SAR1A: variants seen among roughly 807,000 people sequenced by gnomAD.
The protein encoded by SAR1A is small COPII coat GTPase SAR1A.
A neutral mutation model predicts 22.6 loss-of-function variants in SAR1A; 6 were observed. That is an observed-to-expected ratio of 0.27 (90% CI 0.15 to 0.52). SAR1A has a LOEUF of 0.52. Ranked by LOEUF, SAR1A falls within the 20% of genes least tolerant of loss-of-function variation. The probability of loss-of-function intolerance (pLI) is 0.96; values close to 1 mark genes in which losing one functional copy is unlikely to be tolerated. For missense variants in SAR1A, 145 were observed against 245.1 expected, an observed-to-expected ratio of 0.59 and a Z score of 2.73; for synonymous variants, 70 against 82.2, an observed-to-expected ratio of 0.85 and a Z score of 0.80.
chr10:70,157,959 G>A (rs1000658992), intron 4 of SAR1A, 92 bp from the exon 5 acceptor site: 45 of 858,876 alleles, frequency 5.2e-5, no homozygotes, highest in African/African-American at 3.1e-4. Context: ...AATCTTGGTC[G>A]GGTTTCAGTA....
chr10:70,163,018 G>T (rs1268151655), intron 1 of SAR1A: 1 of 152,160 alleles, frequency 6.6e-6, no homozygotes, highest in African/African-American at 2.4e-5. Flanking sequence ...TATTCTCCAA[G>T]TGAAAGTAAC....
chr10:70,158,947 C>A (rs1471390024), intron 4 of SAR1A, among the ~76,000 whole-genome samples: 1 of 152,154 alleles, frequency 6.6e-6, no homozygotes, highest in Non-Finnish European at 1.5e-5. Context: ...TCACACCAAA[C>A]AATCTACAAT....
intron 3 of SAR1A, 76 bp from the exon 4 acceptor site, chr10:70,161,145 T>A: frequency 2.0e-6 from 2 of 1,003,266 alleles, no homozygotes; most frequent in Non-Finnish European, 3.0e-6. Context: ...TAAGCCAATA[T>A]CAATGCTTTC....
At chr10:70,156,671 TAAAAA>T (rs34673042) in intron 5 of SAR1A, among the ~76,000 whole-genome samples, 1 of 135,984 alleles carries the variant, frequency 7.4e-6, no homozygotes, top group Non-Finnish European at 1.6e-5. Flanking sequence ...AGATTCTGTT[TAAAAA>T]AAAAAAAAAA....
At chr10:70,170,309 C>CAA in intron 1 of SAR1A, 104 bp downstream of exon 1, 1 of 119,558 alleles carries the variant, frequency 8.4e-6, no homozygotes, top group Non-Finnish European at 1.7e-5. Flanking sequence ...GTCACTTCCC[C>CAA]CCCACCCAAC....
At chr10:70,164,879 C>T (rs1169579250) in intron 1 of SAR1A, among the ~76,000 whole-genome samples, 2 of 152,216 alleles carry the variant, frequency 1.3e-5, no homozygotes, top group African/African-American at 4.8e-5. Context: ...ATTGACAACG[C>T]ACCTGGTCAC....
In SAR1A at chr10:70,147,517, A is replaced by T. The variant is rs1299221278; in HGVS notation, c.*4959T>A. 6.6e-6 allele frequency: 1 copy of T among 152,232 alleles called. No homozygotes were observed. The highest frequency in any genetic ancestry group is 1.9e-4 in the East Asian group (1 of 5,204). 9.4% of individuals were successfully genotyped at this position (152,232 alleles called of 1,614,324 possible). A position where few individuals can be genotyped will look rare whatever the true frequency, so the allele number is the denominator to read the frequency against. The stretch of plus-strand genomic sequence containing the variant: ...AATGGCGGTGGCTGTGTCCCAATAA[A>T]AAGATACAGACATTGAAATTTTAAT... On this transcript the variant is annotated 3_prime_UTR_variant, in exon 7 of 7. Coordinates refer to ENST00000373241, the MANE Select transcript of SAR1A (RefSeq NM_020150.5).
intron 2 of SAR1A, 28 bp from the exon 3 acceptor site, chr10:70,161,766 T>C: frequency 6.2e-7 from 1 of 1,613,782 alleles, no homozygotes; most frequent in East Asian, 2.2e-5. Context: ...TGTTAACACA[T>C]TTGCTCTCTA....
intron 5 of SAR1A, among the ~76,000 whole-genome samples, chr10:70,157,444 A>G (rs1839406688): frequency 6.6e-6 from 1 of 151,706 alleles, no homozygotes; most frequent in African/African-American, 2.4e-5. Flanking sequence ...ATTACTGTTC[A>G]TGACACGTGA....
intron 6 of SAR1A, 79 bp downstream of exon 6, chr10:70,153,759 G>A: frequency 2.5e-6 from 3 of 1,223,282 alleles, no homozygotes; most frequent in African/African-American, 3.1e-5. Flanking sequence ...TAAAAGAAAA[G>A]GGTAATCTAG....
At chr10:70,156,258 T>G (rs1252713526) in intron 5 of SAR1A, among the ~76,000 whole-genome samples, 1 of 152,170 alleles carries the variant, frequency 6.6e-6, no homozygotes, top group Non-Finnish European at 1.5e-5. Context: ...GAAAGTACTC[T>G]GGAGAACACC....
chr10:70,154,499 T>C (rs1446997807), intron 5 of SAR1A, among the ~76,000 whole-genome samples: 2 of 61,646 alleles, frequency 3.2e-5, no homozygotes, highest in African/African-American at 8.8e-5. Context: ...ATGTTCACAT[T>C]ATGTTTTTTT....
At chr10:70,169,060 C>T (rs1022536990) in intron 1 of SAR1A, among the ~76,000 whole-genome samples, 4 of 152,142 alleles carry the variant, frequency 2.6e-5, no homozygotes, top group Non-Finnish European at 5.9e-5. Flanking sequence ...CTCATTTCAT[C>T]CCCACACCAA....
Position 70,152,038 on chromosome 10 carries a change from A to C in SAR1A, c.*438T>G. 4.6e-6 allele frequency: 1 copy of C among 216,102 alleles called. No individual in the cohort carries two copies. The highest frequency in any genetic ancestry group is 9.6e-6 in the Non-Finnish European group (1 of 104,118). 13.4% of individuals were successfully genotyped at this position (216,102 alleles called of 1,614,324 possible). On this transcript the variant is annotated 3_prime_UTR_variant, in exon 7 of 7. Coordinates refer to ENST00000373241, the MANE Select transcript of SAR1A (RefSeq NM_020150.5). ...ATGAAGTATCTAAATGTCATTCATT[A>C]GTTTAAAAAAAAAAAAGAATAGAAA...
At position 70,161,077 on chromosome 10, in the gene SAR1A, A is replaced by G. The variant is rs1250305127; in HGVS notation, c.179-8T>C. The G allele has an allele frequency of 6.2e-7, 1 of 1,609,656 alleles. No homozygotes were observed. The highest frequency in any genetic ancestry group is 8.5e-7 in the Non-Finnish European group (1 of 1,177,864). ...TTGTTAGCTCTTCTGATGCTGAAAA[A>G]TTGTTTAAAAAGAAGAAAAAAACTT... On this transcript the variant is annotated splice_polypyrimidine_tract_variant and splice_region_variant and intron_variant, in intron 3 of 6. Transcript: ENST00000373241.
Position 70,147,433 on chromosome 10 carries a change from G to A in SAR1A, c.*5043C>T, listed in dbSNP as rs994152262. Reference sequence around the variant, plus strand: ...AATGGAAACAGTTCCAGTTTGGGGGGACCATACAACTTGTCTCAAATAGTC... The same window carrying A: ...AATGGAAACAGTTCCAGTTTGGGGGAACCATACAACTTGTCTCAAATAGTC... On this transcript the variant is annotated 3_prime_UTR_variant, in exon 7 of 7. Coordinates refer to ENST00000373241, the MANE Select transcript of SAR1A (RefSeq NM_020150.5). 6.6e-6 allele frequency: 1 copy of A among 152,168 alleles called. No individual in the cohort carries two copies. The highest frequency in any genetic ancestry group is 1.5e-5 in the Non-Finnish European group (1 of 68,050). The allele number at this position is 152,168 out of a possible 1,614,324, so 9.4% of individuals were successfully genotyped here.
Position 70,151,673 on chromosome 10 carries a change from T to C in SAR1A, c.*803A>G, listed in dbSNP as rs1368793385. The C allele has an allele frequency of 6.6e-6, 1 of 152,588 alleles. No individual in the cohort carries two copies. Among genetic ancestry groups the C allele is most frequent in the Non-Finnish European group, 1.5e-5 (1 of 68,028 alleles). The allele number at this position is 152,588 out of a possible 1,614,324, so 9.5% of individuals were successfully genotyped here. ...GAAGGTGCTATAGAGAGAAATTAAA[T>C]TTCACAAAAGTATAAAAGCAAAGAC... On this transcript the variant is annotated 3_prime_UTR_variant, in exon 7 of 7. Coordinates refer to ENST00000373241, the MANE Select transcript of SAR1A (RefSeq NM_020150.5).
intron 5 of SAR1A, 174 bp downstream of exon 5, chr10:70,157,590 T>C: frequency 1.8e-6 from 1 of 554,188 alleles, no homozygotes; most frequent in Non-Finnish European, 3.2e-6. Flanking sequence ...CTCAGGACAT[T>C]GAAAAGCAAT....
At chr10:70,156,295 T>C (rs1839385618) in intron 5 of SAR1A, among the ~76,000 whole-genome samples, 1 of 152,144 alleles carries the variant, frequency 6.6e-6, no homozygotes, top group Non-Finnish European at 1.5e-5. Flanking sequence ...CCAGAAGAAC[T>C]AGTGCTTCTC....
Sources: allele counts gnomAD v4.1 joint callset (sites outside exome capture counted in the v4.1 genomes callset), GRCh38; gene constraint gnomAD v4.1.1; transcripts MANE v1.5; gene names NCBI Gene and HGNC (gene_info 2026-07-23, HGNC 2026-07-21).